Variants in ITFG1 observed in about 807,000 individuals in gnomAD.
ITFG1 encodes T-cell immunomodulatory protein.
A neutral mutation model predicts 81.8 loss-of-function variants in ITFG1; 34 were observed. That is an observed-to-expected ratio of 0.42 (90% CI 0.32 to 0.55). The LOEUF (loss-of-function observed/expected upper bound fraction) is 0.55. ITFG1 is among the 20% of genes least tolerant of loss of function. ITFG1 has a pLI of 0.17. For synonymous variants in ITFG1, 285 were observed against 270.6 expected (o/e 1.05, Z -0.52); for missense variants, 672 against 755.4 (o/e 0.89, Z 1.29).
chr16:47,257,903 G>T (rs1057131765), intron 12 of ITFG1, among the ~76,000 whole-genome samples: 2 of 152,108 alleles, frequency 1.3e-5, no homozygotes, highest in Non-Finnish European at 2.9e-5. Context: ...GGACAAGGGG[G>T]GTACAAGATG....
At chr16:47,174,458 T>C (rs561233865) in intron 14 of ITFG1, among the ~76,000 whole-genome samples, 5 of 152,298 alleles carry the variant, frequency 3.3e-5, no homozygotes, top group East Asian at 3.9e-4. Flanking sequence ...AACATGAGTG[T>C]GTGTGCGCGT....
chr16:47,314,521 G>C (rs1011931345), intron 8 of ITFG1, among the ~76,000 whole-genome samples: 2 of 152,132 alleles, frequency 1.3e-5, no homozygotes, highest in Admixed American at 1.3e-4. Context: ...TCCTTTCCAA[G>C]TGACTGTTTT....
chr16:47,180,430 C>T (rs1266062347), intron 14 of ITFG1, among the ~76,000 whole-genome samples: 2 of 151,972 alleles, frequency 1.3e-5, no homozygotes, highest in South Asian at 2.1e-4. Flanking sequence ...CCTCTGATGC[C>T]GAGCCAAAGC....
chr16:47,370,687 T>C (rs1286206185), intron 7 of ITFG1, among the ~76,000 whole-genome samples: 1 of 152,152 alleles, frequency 6.6e-6, no homozygotes, highest in Non-Finnish European at 1.5e-5. Flanking sequence ...TGCCCTGCAC[T>C]TGCTTGCTTA....
rs534198541 is a variant in ITFG1, at chr16:47,429,061, T to C, written c.561-163A>G. On this transcript the variant is annotated intron_variant, in intron 5 of 17. Transcript: ENST00000320640. ...AGTGCAGTGAGTGGTTTTTAGTATG[T>C]TCACAGTGTACAATCGTCACTACTA... Among the ~76,000 whole-genome samples the C allele has an allele frequency of 2.5e-4, 38 of 152,336 alleles. 1 individual carries two copies. The South Asian group carries it at 7.7e-3, about 31-fold the overall frequency.
At chr16:47,308,663 T>C (rs1475203460) in intron 10 of ITFG1, among the ~76,000 whole-genome samples, 1 of 152,194 alleles carries the variant, frequency 6.6e-6, no homozygotes, top group African/African-American at 2.4e-5. Flanking sequence ...TTCCCAGCAT[T>C]AACTAACAGG....
At chr16:47,339,217 A>G (rs755847391) in intron 8 of ITFG1, among the ~76,000 whole-genome samples, 1 of 152,158 alleles carries the variant, frequency 6.6e-6, no homozygotes, top group East Asian at 1.9e-4. Flanking sequence ...ATGGACTTCC[A>G]TATCTTGGCT....
In ITFG1 at chr16:47,377,042, C is replaced by T. The variant is rs11864575; in HGVS notation, c.656-1102G>A. Among the ~76,000 whole-genome samples the T allele has an allele frequency of 8.2e-3, 1,195 of 144,872 alleles. 22 individuals are homozygous for T. The highest frequency in any genetic ancestry group is 0.029 in the African/African-American group (1,127 of 38,880). ...CTACTGAAAAAAAGAGTTTTTTTTT[C>T]CCTTCCTACATTAGATATGCTCAGA... On this transcript the variant is annotated intron_variant, in intron 6 of 17. Coordinates refer to ENST00000320640, the MANE Select transcript of ITFG1 (RefSeq NM_030790.5).
At chr16:47,228,950 A>AAT (rs1284052481) in intron 13 of ITFG1, among the ~76,000 whole-genome samples, 1 of 152,220 alleles carries the variant, frequency 6.6e-6, no homozygotes, top group Non-Finnish European at 1.5e-5. Flanking sequence ...TTTCATACTT[A>AAT]ACAGTGAATA....
intron 13 of ITFG1, among the ~76,000 whole-genome samples, chr16:47,224,353 G>T (rs997095584): frequency 6.6e-6 from 1 of 152,174 alleles, no homozygotes; most frequent in African/African-American, 2.4e-5. Context: ...ATTCACAGGG[G>T]ACTCTGAAAA....
At chr16:47,425,723 G>C (rs1219484943) in intron 6 of ITFG1, 1 of 151,898 alleles carries the variant, frequency 6.6e-6, no homozygotes, top group Non-Finnish European at 1.5e-5. Context: ...TTCTTGAGTA[G>C]CTGGGGTCAC....
chr16:47,248,968 A>G (rs751973435), intron 12 of ITFG1, among the ~76,000 whole-genome samples: 3 of 152,068 alleles, frequency 2.0e-5, no homozygotes, highest in Non-Finnish European at 4.4e-5. Flanking sequence ...TTGATTTTTA[A>G]GTGTCTCTCT....
chr16:47,348,653 A>G (rs1482234813), intron 8 of ITFG1, among the ~76,000 whole-genome samples: 1 of 152,252 alleles, frequency 6.6e-6, no homozygotes. Flanking sequence ...ATTATCCAGG[A>G]GAACTTCCCC....
At chr16:47,433,814 C>T (rs1394529385) in intron 5 of ITFG1, among the ~76,000 whole-genome samples, 5 of 134,552 alleles carry the variant, frequency 3.7e-5, no homozygotes, top group East Asian at 2.1e-4. Flanking sequence ...CATACACACA[C>T]GTATAGTTGT....
At chr16:47,177,529 C>G (rs1965044799) in intron 14 of ITFG1, among the ~76,000 whole-genome samples, 1 of 152,114 alleles carries the variant, frequency 6.6e-6, no homozygotes, top group African/African-American at 2.4e-5. Context: ...TTCCATGTAT[C>G]AAACAACTGA....
intron 6 of ITFG1, among the ~76,000 whole-genome samples, chr16:47,414,260 T>A (rs1968846402): frequency 6.6e-6 from 1 of 151,792 alleles, no homozygotes; most frequent in Admixed American, 6.6e-5. Context: ...AGGATCTATT[T>A]TTTTTTTTTT....
At chr16:47,239,206 T>C (rs900701522) in intron 12 of ITFG1, among the ~76,000 whole-genome samples, 1 of 152,064 alleles carries the variant, frequency 6.6e-6, no homozygotes. Context: ...TAAGGTTTTT[T>C]TTTTTTTCTT....
chr16:47,195,504 A>G (rs1338296454), intron 14 of ITFG1, among the ~76,000 whole-genome samples: 1 of 152,162 alleles, frequency 6.6e-6, no homozygotes, highest in East Asian at 1.9e-4. Flanking sequence ...AGTTTTTTTT[A>G]GCTCAATTAA....
At chr16:47,327,274 A>T (rs1389504828) in intron 8 of ITFG1, among the ~76,000 whole-genome samples, 6 of 151,078 alleles carry the variant, frequency 4.0e-5, no homozygotes, top group Admixed American at 1.3e-4. Context: ...CTAGCCATAT[A>T]TAGAAAGCTG....
Sources: allele counts gnomAD v4.1 joint callset (sites outside exome capture counted in the v4.1 genomes callset), GRCh38; gene constraint gnomAD v4.1.1; transcripts MANE v1.5; gene names NCBI Gene and HGNC (gene_info 2026-07-23, HGNC 2026-07-21).